The following NR6A1 variants were observed in gnomAD, a reference collection of about 807,000 sequenced individuals.
NR6A1 encodes nuclear receptor subfamily 6 group A member 1, also known as retinoic acid receptor-related testis-associated receptor.
NR6A1 carries 7 observed loss-of-function variants against 59.1 expected under a neutral mutation model. The observed-to-expected ratio is 0.12, with a 90% CI of 0.07 to 0.22. The LOEUF is 0.22. NR6A1 is among the 10% of genes least tolerant of loss of function. The pLI is 1.00. For synonymous variants in NR6A1, 243 were observed against 236.1 expected, an observed-to-expected ratio of 1.03 and a Z score of -0.27; for missense variants, 468 against 611.6, an observed-to-expected ratio of 0.77 and a Z score of 2.48.
chr9:124,623,216 A>G (rs1836129497), intron 2 of NR6A1, among the ~76,000 whole-genome samples: 1 of 152,010 alleles, frequency 6.6e-6, no homozygotes, highest in Non-Finnish European at 1.5e-5. Context: ...AGGTGTCAAG[A>G]CTTGATCTTT....
chr9:124,707,306 C>CT (rs1839162354), intron 2 of NR6A1, among the ~76,000 whole-genome samples: 1 of 152,106 alleles, frequency 6.6e-6, no homozygotes, highest in Non-Finnish European at 1.5e-5. Context: ...TTTAGTTATA[C>CT]TTTTCAACTC....
At chr9:124,752,355 TAAAC>T (rs1407266239) in intron 1 of NR6A1, among the ~76,000 whole-genome samples, 2 of 152,194 alleles carry the variant, frequency 1.3e-5, no homozygotes, top group South Asian at 4.1e-4. Flanking sequence ...AAATTAAAAT[TAAAC>T]AATCAATTTT....
At chr9:124,594,723 A>G (rs1220595968) in intron 2 of NR6A1, among the ~76,000 whole-genome samples, 1 of 152,298 alleles carries the variant, frequency 6.6e-6, no homozygotes, top group African/African-American at 2.4e-5. Flanking sequence ...GGTACAACAT[A>G]TAAGGGAGGA....
rs528689113 is a variant in NR6A1, at chr9:124,633,295, C to T, written c.143-78725G>A. On this transcript the variant is annotated intron_variant, in intron 2 of 9. Coordinates refer to ENST00000487099, the MANE Select transcript of NR6A1 (RefSeq NM_033334.4). ...GCGCGCGCCTGTAGTCCCAGCTACACGGGAGGCTGAGGCAGGAGAATGGCG... is the reference window on the plus strand; with the variant it reads ...GCGCGCGCCTGTAGTCCCAGCTACATGGGAGGCTGAGGCAGGAGAATGGCG... 1.2e-3 allele frequency among the ~76,000 whole-genome samples: 184 copies of T among 148,792 alleles called. 1 individual carries two copies. Among genetic ancestry groups the T allele is most frequent in the African/African-American group, 4.0e-3 (162 of 40,112 alleles).
intron 2 of NR6A1, among the ~76,000 whole-genome samples, chr9:124,583,755 C>T (rs571923286): frequency 3.9e-5 from 6 of 152,196 alleles, no homozygotes; most frequent in Non-Finnish European, 8.8e-5. Context: ...CTTCACCAGC[C>T]TGGCAAACAT....
At chr9:124,673,756 CAAG>C (rs1335019153) in intron 2 of NR6A1, among the ~76,000 whole-genome samples, 1 of 152,106 alleles carries the variant, frequency 6.6e-6, no homozygotes, top group African/African-American at 2.4e-5. Flanking sequence ...TATTTTCAGA[CAAG>C]AAGGTCATCT....
At chr9:124,560,785 T>C (rs1038041441) in intron 2 of NR6A1, among the ~76,000 whole-genome samples, 1 of 152,178 alleles carries the variant, frequency 6.6e-6, no homozygotes, top group South Asian at 2.1e-4. Flanking sequence ...GGTCTCAAAC[T>C]CCTGACCTCA....
intron 1 of NR6A1, among the ~76,000 whole-genome samples, chr9:124,763,026 G>A (rs1030967792): frequency 2.0e-5 from 3 of 152,218 alleles, no homozygotes; most frequent in African/African-American, 7.2e-5. Context: ...GCTGAATCAA[G>A]TATAGTTTAA....
chr9:124,637,790 G>A (rs1046996636), intron 2 of NR6A1, among the ~76,000 whole-genome samples: 12 of 151,486 alleles, frequency 7.9e-5, no homozygotes, highest in Non-Finnish European at 1.6e-4. Context: ...TACTCAGGAG[G>A]CTGAGGCACG....
intron 2 of NR6A1, chr9:124,599,457 A>G (rs1835384836): frequency 3.2e-5 from 14 of 439,094 alleles, no homozygotes; most frequent in South Asian, 2.4e-4. Context: ...ATCTTCCTCC[A>G]GCGTTTTAAA....
chr9:124,665,028 A>G (rs111370205), intron 2 of NR6A1, among the ~76,000 whole-genome samples: 2,996 of 150,154 alleles, frequency 0.02, 62 homozygotes, highest in Non-Finnish European at 0.032. Context: ...AAAAAAAAAA[A>G]AAAAAAAAGG....
chr9:124,623,465 T>C lies in NR6A1; in HGVS notation c.143-68895A>G, dbSNP rs1356924788. 5.9e-5 allele frequency among the ~76,000 whole-genome samples: 9 copies of C among 151,798 alleles called. No individual in the cohort carries two copies. The East Asian group carries it at 1.7e-3, about 29-fold the overall frequency. On this transcript the variant is annotated intron_variant, in intron 2 of 9. Coordinates refer to ENST00000487099, the MANE Select transcript of NR6A1 (RefSeq NM_033334.4). ...CAGCCTTGACCTCGCGGGCTCAAGA[T>C]CCTCCCACCTCAGATTCCCAACTAG...
Position 124,522,669 on chromosome 9 carries a change from C to T in NR6A1, c.*36G>A, listed in dbSNP as rs77655514. ...CAGAGCCTGTCCTGCCCACCCAAGA[C>T]GCTGTGGTTGGCCTGAGGAGGGCGC... is the stretch of plus-strand genomic sequence containing the variant. On this transcript the variant is annotated 3_prime_UTR_variant, in exon 10 of 10. Coordinates refer to ENST00000487099, the MANE Select transcript of NR6A1 (RefSeq NM_033334.4). 1.2e-5 allele frequency: 19 copies of T among 1,525,128 alleles called. No individual in the cohort carries two copies. The highest frequency in any genetic ancestry group is 5.5e-5 in the African/African-American group (4 of 72,692). 94.5% of individuals were successfully genotyped at this position (1,525,128 alleles called of 1,614,324 possible). A position where few individuals can be genotyped will look rare whatever the true frequency, so the allele number is the denominator to read the frequency against.
intron 3 of NR6A1, among the ~76,000 whole-genome samples, chr9:124,550,138 A>G (rs1032052068): frequency 6.6e-6 from 1 of 152,112 alleles, no homozygotes; most frequent in East Asian, 1.9e-4. Flanking sequence ...TCAGTGTTTC[A>G]TATCAGGGGG....
intron 2 of NR6A1, among the ~76,000 whole-genome samples, chr9:124,680,770 A>G (rs1438324447): frequency 6.6e-6 from 1 of 152,084 alleles, no homozygotes; most frequent in Non-Finnish European, 1.5e-5. Context: ...TGGCCCACAT[A>G]TGTTTCCCAG....
At chr9:124,757,916 G>C (rs1388338736) in intron 1 of NR6A1, among the ~76,000 whole-genome samples, 1 of 152,170 alleles carries the variant, frequency 6.6e-6, no homozygotes, top group African/African-American at 2.4e-5. Context: ...GGCTTGCTCA[G>C]TATTTATTTT....
At chr9:124,631,947 C>G (rs1487985455) in intron 2 of NR6A1, among the ~76,000 whole-genome samples, 1 of 152,156 alleles carries the variant, frequency 6.6e-6, no homozygotes, top group East Asian at 1.9e-4. Flanking sequence ...CACTAGTTTA[C>G]TAAGGATAAT....
At chr9:124,574,599 C>T (rs1034404087) in intron 2 of NR6A1, among the ~76,000 whole-genome samples, 1 of 152,202 alleles carries the variant, frequency 6.6e-6, no homozygotes, top group Non-Finnish European at 1.5e-5. Context: ...CAAGCCTGCT[C>T]CCTCCCGTTT....
chr9:124,602,238 G>C (rs978503704), intron 2 of NR6A1, among the ~76,000 whole-genome samples: 8 of 152,130 alleles, frequency 5.3e-5, no homozygotes, highest in Non-Finnish European at 7.4e-5. Context: ...AGTCCTTTTT[G>C]AATGAAAACA....
Sources: allele counts gnomAD v4.1 joint callset (sites outside exome capture counted in the v4.1 genomes callset), GRCh38; gene constraint gnomAD v4.1.1; transcripts MANE v1.5; gene names NCBI Gene and HGNC (gene_info 2026-07-23, HGNC 2026-07-21).